The following SH3YL1 variants were observed in gnomAD, a reference collection of about 807,000 sequenced individuals.
The protein encoded by SH3YL1 is SH3 and SYLF domain containing 1.
In SH3YL1, 41 loss-of-function variants were observed where a neutral mutation model predicts 45.8. The observed-to-expected ratio is 0.89, with a 90% CI of 0.70 to 1.16. SH3YL1 has a LOEUF of 1.16. Ranked by LOEUF, SH3YL1 falls within the 50% of genes most tolerant of loss-of-function variation. SH3YL1 has a pLI of 0.00. For missense variants in SH3YL1, 389 were observed against 409.6 expected (o/e 0.95, Z 0.43); for synonymous variants, 152 against 151.4 (o/e 1.00, Z -0.03).
intron 9 of SH3YL1, among the ~76,000 whole-genome samples, chr2:224,349 TA>T (rs1331548113): frequency 1.3e-5 from 2 of 152,146 alleles, no homozygotes; most frequent in African/African-American, 2.4e-5. Flanking sequence ...ATGTGAAAAA[TA>T]AAATTCTTAG....
At chr2:224,119 AT>A (rs1667693931) in intron 9 of SH3YL1, among the ~76,000 whole-genome samples, 1 of 152,224 alleles carries the variant, frequency 6.6e-6, no homozygotes. Flanking sequence ...TGTGACTCCA[AT>A]GACGAAAGTA....
intron 4 of SH3YL1, among the ~76,000 whole-genome samples, chr2:239,146 C>T (rs1254326022): frequency 6.6e-6 from 1 of 152,196 alleles, no homozygotes. Flanking sequence ...CACAACTAGA[C>T]CTTGTTAGTT....
chr2:258,763 G>A (rs73907915), intron 1 of SH3YL1, among the ~76,000 whole-genome samples: 258 of 152,282 alleles, frequency 1.7e-3, no homozygotes, highest in African/African-American at 5.8e-3. Flanking sequence ...CATTGTGGCT[G>A]TTTCGAATGG....
intron 2 of SH3YL1, 75 bp downstream of exon 2, chr2:252,930 G>T (rs1669135734): frequency 1.2e-6 from 1 of 835,972 alleles, no homozygotes; most frequent in Non-Finnish European, 1.9e-6. Flanking sequence ...GCCTGAAATG[G>T]AGTGTCGAAC....
chr2:232,101 T>C (rs1321413037), intron 6 of SH3YL1, among the ~76,000 whole-genome samples: 2 of 152,194 alleles, frequency 1.3e-5, no homozygotes, highest in Non-Finnish European at 2.9e-5. Context: ...GTCTTAGCTC[T>C]TTATCTCTTT....
upstream of SH3YL1, chr2:264,146 A>T: frequency 9.3e-7 from 1 of 1,069,796 alleles, no homozygotes; most frequent in South Asian, 2.2e-5. Context: ...CGGGACAAAA[A>T]CCACGCGCCC....
At chr2:226,544 G>T (rs1239530723) in intron 8 of SH3YL1, among the ~76,000 whole-genome samples, 1 of 152,194 alleles carries the variant, frequency 6.6e-6, no homozygotes, top group Non-Finnish European at 1.5e-5. Context: ...AATAGTGGTG[G>T]GGAAGGTATA....
intron 4 of SH3YL1, 26 bp downstream of exon 4, chr2:247,512 T>C: frequency 6.5e-7 from 1 of 1,540,560 alleles, no homozygotes; most frequent in Non-Finnish European, 8.8e-7. Flanking sequence ...ATATGGCAGT[T>C]GTATGGACGT....
In SH3YL1 at chr2:249,804, A is replaced by G; in HGVS notation, c.153T>C (p.Ser51=). Residue 51 remains serine (S), a synonymous_variant, in exon 3 of 10, where the codon TCT becomes TCC. Coordinates refer to ENST00000356150, the MANE Select transcript of SH3YL1 (RefSeq NM_015677.4). ...IAKAKGLAIL[S]VIKAGFLVTA... ...TCACCAGGAACCCGGCTTTGATCACAGACAGAATTGCAAGGCCTTTAGCCT... is the reference window on the plus strand; with the variant it reads ...TCACCAGGAACCCGGCTTTGATCACGGACAGAATTGCAAGGCCTTTAGCCT... 1 of 1,552,086 alleles carries G rather than the reference A, an allele frequency of 6.4e-7. No individual in the cohort carries two copies. The highest frequency in any genetic ancestry group is 8.7e-7 in the Non-Finnish European group (1 of 1,147,058).
intron 4 of SH3YL1, among the ~76,000 whole-genome samples, chr2:234,622 A>G (rs185530741): frequency 1.2e-4 from 18 of 152,230 alleles, no homozygotes; most frequent in African/African-American, 3.9e-4. Context: ...AGTCAAACAA[A>G]GGTTGTTGGA....
chr2:249,476 A>C (rs577095312), intron 3 of SH3YL1, among the ~76,000 whole-genome samples: 5 of 152,356 alleles, frequency 3.3e-5, no homozygotes, highest in African/African-American at 1.2e-4. Context: ...AAGAATTACA[A>C]AATGCATGCA....
intron 8 of SH3YL1, among the ~76,000 whole-genome samples, chr2:226,373 G>C (rs1667784304): frequency 6.6e-6 from 1 of 152,094 alleles, no homozygotes; most frequent in African/African-American, 2.4e-5. Flanking sequence ...AGGAAAAATA[G>C]ACCAATGAAA....
At chr2:240,342 G>A (rs72772891) in intron 4 of SH3YL1, 5,555 of 152,410 alleles carry the variant, frequency 0.036, 136 homozygotes, top group Middle Eastern at 0.081. Context: ...AGAGATCTTG[G>A]GCAGACAGAG....
chr2:242,743 A>C, intron 4 of SH3YL1: 4 of 1,484,914 alleles, frequency 2.7e-6, no homozygotes, highest in Non-Finnish European at 3.6e-6. Context: ...AACAACAACA[A>C]CAACAACATC....
At chr2:230,168 C>T (rs1250494404) in intron 7 of SH3YL1, 124 bp from the exon 8 acceptor site, 8 of 639,494 alleles carry the variant, frequency 1.3e-5, no homozygotes, top group Non-Finnish European at 1.9e-5. Context: ...TAATGTGGCA[C>T]TCTCAAAGCT....
chr2:225,643 C>T (rs1477633773), intron 8 of SH3YL1, among the ~76,000 whole-genome samples: 2 of 152,188 alleles, frequency 1.3e-5, no homozygotes, highest in African/African-American at 4.8e-5. Flanking sequence ...TACAAATATC[C>T]TCTGAGAATC....
chr2:241,045 C>T (rs1029970861), intron 4 of SH3YL1: 6 of 152,088 alleles, frequency 3.9e-5, no homozygotes, highest in African/African-American at 1.4e-4. Flanking sequence ...AAAAAGGAAG[C>T]AGACGAGAAT....
At chr2:233,372 G>A in intron 5 of SH3YL1, 143 bp from the exon 6 acceptor site, 1 of 921,020 alleles carries the variant, frequency 1.1e-6, no homozygotes. Context: ...CTTACTGTAG[G>A]CCTAAATTAG....
chr2:233,296 T>C (rs1668135051), intron 5 of SH3YL1, 67 bp from the exon 6 acceptor site: 2 of 1,389,500 alleles, frequency 1.4e-6, no homozygotes, highest in Non-Finnish European at 1.9e-6. Flanking sequence ...ACTATTTAAA[T>C]AGCACTCCTT....
Sources: gnomAD v4.1 joint callset for allele counts (sites outside exome capture counted in the v4.1 genomes callset) on GRCh38, gnomAD v4.1.1 for gene constraint, MANE v1.5 for transcripts, NCBI Gene and HGNC (gene_info 2026-07-23, HGNC 2026-07-21) for gene names.